Variants in ATP10B observed in about 807,000 individuals in gnomAD.
The protein encoded by ATP10B is ATPase phospholipid transporting 10B (putative), also known as phospholipid-transporting ATPase VB.
Under a neutral mutation model 141.2 loss-of-function variants are expected in ATP10B, and 122 were observed. The ratio of observed to expected loss-of-function variants is 0.86; its 90% CI spans 0.75 to 1.00. The LOEUF is 1.00. ATP10B is among the 50% of genes least tolerant of loss of function. The pLI, the probability that ATP10B is intolerant of heterozygous loss-of-function variation, is 0.00. For synonymous variants in ATP10B, 685 were observed against 692.0 expected (o/e 0.99, Z 0.16); for missense variants, 1,876 against 1,825.3 (o/e 1.03, Z -0.51).
intron 1 of ATP10B, among the ~76,000 whole-genome samples, chr5:160,824,942 T>G (rs932453896): frequency 7.0e-6 from 1 of 141,898 alleles, no homozygotes; most frequent in African/African-American, 2.5e-5. Flanking sequence ...TTTGGTAAAA[T>G]AGGCCTGTGT....
At chr5:160,603,746 CAAGTT>C (rs1757227087) in intron 20 of ATP10B, 1 of 522,560 alleles carries the variant, frequency 1.9e-6, no homozygotes, top group African/African-American at 1.9e-5. Context: ...ATTTAGCAGT[CAAGTT>C]AGTTTGCTTC....
intron 17 of ATP10B, chr5:160,614,338 C>T (rs1047439509): frequency 6.6e-6 from 1 of 152,248 alleles, no homozygotes; most frequent in East Asian, 1.9e-4. Flanking sequence ...AAGCCTTTCC[C>T]AGCTAGGGGA....
At chr5:160,768,627 C>T (rs1163029395) in intron 2 of ATP10B, among the ~76,000 whole-genome samples, 1 of 152,180 alleles carries the variant, frequency 6.6e-6, no homozygotes, top group Admixed American at 6.5e-5. Context: ...AGAACTGGGA[C>T]ACAGACATGC....
At chr5:160,745,994 T>C (rs1034438227) in intron 2 of ATP10B, among the ~76,000 whole-genome samples, 13 of 152,366 alleles carry the variant, frequency 8.5e-5, no homozygotes, top group African/African-American at 3.1e-4. Context: ...TCCTTGTTAA[T>C]GAAACAAGGG....
intron 1 of ATP10B, among the ~76,000 whole-genome samples, chr5:160,811,274 G>T (rs185793098): frequency 3.8e-4 from 58 of 152,266 alleles, no homozygotes; most frequent in Middle Eastern, 3.4e-3. Flanking sequence ...ATGGGGAGAG[G>T]TTCCTTCTGC....
intron 2 of ATP10B, among the ~76,000 whole-genome samples, chr5:160,775,453 G>A (rs958897491): frequency 6.6e-6 from 1 of 152,112 alleles, no homozygotes; most frequent in Non-Finnish European, 1.5e-5. Flanking sequence ...TACTATAGGA[G>A]CATAGGGCAC....
At chr5:160,623,732 T>C (rs1472189789) in intron 13 of ATP10B, among the ~76,000 whole-genome samples, 1 of 152,236 alleles carries the variant, frequency 6.6e-6, no homozygotes, top group African/African-American at 2.4e-5. Flanking sequence ...AGGGATCTGA[T>C]GCCAGAAAAG....
chr5:160,569,395 A>T, intron 25 of ATP10B, 101 bp downstream of exon 25: 1 of 1,133,916 alleles, frequency 8.8e-7, no homozygotes, highest in East Asian at 2.5e-5. Flanking sequence ...AGCCTCAAGG[A>T]TGCCAGCAGA....
At chr5:160,744,101 G>A (rs1767650507) in intron 2 of ATP10B, among the ~76,000 whole-genome samples, 1 of 152,110 alleles carries the variant, frequency 6.6e-6, no homozygotes, top group South Asian at 2.1e-4. Context: ...CTCAAGAGAG[G>A]TTTAATTTAT....
At chr5:160,590,190 C>T (rs954911422) in intron 23 of ATP10B, among the ~76,000 whole-genome samples, 10 of 152,008 alleles carry the variant, frequency 6.6e-5, no homozygotes, top group East Asian at 5.8e-4. Context: ...AAGGTCAGAA[C>T]GGAGGGTGAA....
At chr5:160,595,448 T>C (rs1756608737) in intron 22 of ATP10B, among the ~76,000 whole-genome samples, 1 of 152,094 alleles carries the variant, frequency 6.6e-6, no homozygotes, top group Middle Eastern at 3.4e-3. Context: ...AGGAAAGATC[T>C]AAAATTGACA....
chr5:160,921,319 T>G, the ATP10B span, among the ~76,000 whole-genome samples: 26 of 152,130 alleles, frequency 1.7e-4, no homozygotes, highest in Admixed American at 1.7e-3. Flanking sequence ...TGTTTCATAA[T>G]TGTACATAAA....
chr5:160,882,507 C>T, the ATP10B span, among the ~76,000 whole-genome samples: 1 of 152,192 alleles, frequency 6.6e-6, no homozygotes, highest in African/African-American at 2.4e-5. Context: ...GTCTTAAACT[C>T]CTGGCCTCAA....
At chr5:160,618,068 T>A in intron 15 of ATP10B, 95 bp from the exon 16 acceptor site, 1 of 988,248 alleles carries the variant, frequency 1.0e-6, no homozygotes, top group Non-Finnish European at 1.6e-6. Context: ...AGACTACAAA[T>A]ACTTTAGAGA....
intron 6 of ATP10B, among the ~76,000 whole-genome samples, chr5:160,684,043 C>T (rs780643721): frequency 8.5e-5 from 13 of 152,174 alleles, no homozygotes; most frequent in Non-Finnish European, 1.5e-4. Flanking sequence ...CAGATTTCAA[C>T]TCACCCTAAA....
intron 7 of ATP10B, among the ~76,000 whole-genome samples, chr5:160,668,858 C>T (rs559360644): frequency 6.6e-6 from 1 of 152,320 alleles, no homozygotes; most frequent in Non-Finnish European, 1.5e-5. Flanking sequence ...CTTCTGAGGA[C>T]CAAATCAATC....
chr5:160,692,268 TTATA>T (rs1330026462), intron 3 of ATP10B, among the ~76,000 whole-genome samples: 1 of 152,264 alleles, frequency 6.6e-6, no homozygotes, highest in African/African-American at 2.4e-5. Context: ...AACTAAATAT[TTATA>T]TAGTTTCAAA....
intron 7 of ATP10B, among the ~76,000 whole-genome samples, chr5:160,653,443 CATAG>C (rs1761087452): frequency 2.1e-5 from 1 of 48,588 alleles, no homozygotes; most frequent in African/African-American, 7.6e-5. Context: ...TACATACATA[CATAG>C]GTAGTATATA....
chr5:160,755,828 AAAAAAAAAAAATATATATATAT>A (rs1231760356), intron 2 of ATP10B, among the ~76,000 whole-genome samples: 7 of 71,110 alleles, frequency 9.8e-5, no homozygotes, highest in African/African-American at 3.9e-4. Context: ...AAAAAAAAAA[AAAAAAAAAAAATATATATATAT>A]ATATATATAT....
Sources: allele counts gnomAD v4.1 joint callset (sites outside exome capture counted in the v4.1 genomes callset), GRCh38; gene constraint gnomAD v4.1.1; transcripts MANE v1.5; gene names NCBI Gene and HGNC (gene_info 2026-07-23, HGNC 2026-07-21).